The following DGKI variants were observed in gnomAD, a reference collection of about 807,000 sequenced individuals.
DGKI encodes the protein diacylglycerol kinase iota.
DGKI carries 55 observed loss-of-function variants against 147.5 expected under a neutral mutation model. The ratio of observed to expected loss-of-function variants is 0.37; its 90% CI spans 0.30 to 0.47. DGKI has a LOEUF of 0.47. DGKI is among the 20% of genes least tolerant of loss of function. DGKI has a pLI of 1.00. For missense variants in DGKI, 1,007 were observed against 1,323.8 expected, an observed-to-expected ratio of 0.76 and a Z score of 3.71; for synonymous variants, 469 against 477.1, an observed-to-expected ratio of 0.98 and a Z score of 0.22.
At chr7:137,497,145 A>G (rs1199686252) in intron 21 of DGKI, among the ~76,000 whole-genome samples, 1 of 152,122 alleles carries the variant, frequency 6.6e-6, no homozygotes, top group Non-Finnish European at 1.5e-5. Flanking sequence ...ATGAACAGAC[A>G]TATTTCAAAA....
chr7:137,618,151 A>ATATATATATATATT lies in DGKI; in HGVS notation c.993+1672_993+1673insAATATATATATATA. Among the ~76,000 whole-genome samples, 15 of 10,456 alleles carry ATATATATATATATT rather than the reference A, an allele frequency of 1.4e-3. 1 individual carries two copies. Among genetic ancestry groups the ATATATATATATATT allele is most frequent in the Non-Finnish European group, 2.4e-3 (4 of 1,648 alleles). The allele number at this position is 10,456 out of a possible 152,430, so 6.9% of individuals were successfully genotyped here. ...ACTATATATATATATATATATATAT[A>ATATATATATATATT]TTTTTTTTTTTTTACTCTATCATTC... On this transcript the variant is annotated intron_variant, in intron 8 of 32. Coordinates refer to ENST00000614521, the MANE Select transcript of DGKI (RefSeq NM_001321708.2).
At chr7:137,656,420 A>G in intron 4 of DGKI, 46 bp downstream of exon 4, 1 of 1,603,778 alleles carries the variant, frequency 6.2e-7, no homozygotes, top group African/African-American at 1.3e-5. Context: ...TCTGAAGACC[A>G]AATACTTGCA....
chr7:137,828,463 C>A (rs1369107710), intron 1 of DGKI, among the ~76,000 whole-genome samples: 3 of 152,068 alleles, frequency 2.0e-5, no homozygotes, highest in African/African-American at 7.2e-5. Flanking sequence ...GCTTTCAATA[C>A]CAAGACTTGA....
intron 21 of DGKI, among the ~76,000 whole-genome samples, chr7:137,507,288 T>C (rs1057438943): frequency 2.6e-5 from 4 of 152,224 alleles, no homozygotes; most frequent in African/African-American, 9.6e-5. Flanking sequence ...GTCCTGTCTA[T>C]AGTCCATTAA....
intron 2 of DGKI, among the ~76,000 whole-genome samples, chr7:137,680,635 C>A (rs1168220778): frequency 6.6e-6 from 1 of 152,048 alleles, no homozygotes; most frequent in Non-Finnish European, 1.5e-5. Flanking sequence ...CAAAAATTTG[C>A]CAGGCATGGT....
intron 25 of DGKI, 118 bp downstream of exon 25, chr7:137,466,784 C>T: frequency 1.0e-6 from 1 of 986,340 alleles, no homozygotes. Context: ...TTATGAACAC[C>T]ATTCCAAAAT....
In DGKI at chr7:137,388,055, C is replaced by G. The variant is rs566328643; in HGVS notation, c.*3165G>C. On this transcript the variant is annotated 3_prime_UTR_variant, in exon 33 of 33. Coordinates refer to ENST00000614521, the MANE Select transcript of DGKI (RefSeq NM_001321708.2). Reference sequence around the variant, plus strand: ...TCCATCAGTCATTACTAATTTCCATCACTGTGCATTTGCCAGCTAAATTAT... The same window carrying G: ...TCCATCAGTCATTACTAATTTCCATGACTGTGCATTTGCCAGCTAAATTAT... The G allele has an allele frequency of 3.9e-5, 6 of 152,276 alleles. No individual in the cohort carries two copies. In the South Asian group the frequency reaches 1.2e-3, roughly 32 times the overall value. 9.4% of individuals were successfully genotyped at this position (152,276 alleles called of 1,614,324 possible).
At chr7:137,656,991 T>C (rs1341770091) in intron 3 of DGKI, among the ~76,000 whole-genome samples, 1 of 152,236 alleles carries the variant, frequency 6.6e-6, no homozygotes, top group Non-Finnish European at 1.5e-5. Flanking sequence ...ATTCTTTCCC[T>C]ATTGCCAAAG....
intron 1 of DGKI, among the ~76,000 whole-genome samples, chr7:137,728,145 G>T (rs1241383492): frequency 6.6e-6 from 1 of 152,134 alleles, no homozygotes; most frequent in East Asian, 1.9e-4. Context: ...TTTTAATTTG[G>T]TGTTTCTTTT....
At chr7:137,653,138 G>A (rs59189421) in intron 5 of DGKI, among the ~76,000 whole-genome samples, 9,719 of 152,342 alleles carry the variant, frequency 0.064, 820 homozygotes, top group African/African-American at 0.19. Flanking sequence ...TTGTGTGTGT[G>A]TGTGTGCGCG....
chr7:137,828,029 C>G (rs1160548682), intron 1 of DGKI, among the ~76,000 whole-genome samples: 1 of 152,214 alleles, frequency 6.6e-6, no homozygotes, highest in Admixed American at 6.5e-5. Context: ...TGCCCTCTCT[C>G]AGGGCTCCCC....
intron 4 of DGKI, 96 bp downstream of exon 4, chr7:137,656,370 T>C (rs1822220758): frequency 3.8e-6 from 5 of 1,304,514 alleles, no homozygotes; most frequent in Middle Eastern, 3.8e-4. Context: ...TTTAAGGGCA[T>C]TGTTTTCAAA....
At chr7:137,774,116 A>C (rs1796291761) in intron 1 of DGKI, among the ~76,000 whole-genome samples, 1 of 152,138 alleles carries the variant, frequency 6.6e-6, no homozygotes, top group Non-Finnish European at 1.5e-5. Context: ...CCCTTATACT[A>C]TTTCCTGGGT....
Position 137,571,165 on chromosome 7 carries a change from T to C in DGKI, c.1947+10A>G, listed in dbSNP as rs1448074723. ...ACATTTCATTTTAATAAAACAGTTATATTGCTCACCAAAGAGGCCATGGTA... is the reference window on the plus strand; with the variant it reads ...ACATTTCATTTTAATAAAACAGTTACATTGCTCACCAAAGAGGCCATGGTA... On this transcript the variant is annotated intron_variant, in intron 19 of 32. Transcript: ENST00000614521. The C allele has an allele frequency of 6.3e-7, 1 of 1,575,450 alleles. No individual in the cohort carries two copies. The highest frequency in any genetic ancestry group is 8.6e-7 in the Non-Finnish European group (1 of 1,158,668).
At chr7:137,394,426 T>C (rs17529963) in intron 32 of DGKI, among the ~76,000 whole-genome samples, 42,982 of 151,902 alleles carry the variant, frequency 0.28, 7,048 homozygotes, top group Admixed American at 0.36. Context: ...GTGTTGATCT[T>C]CTATGTAAAC....
intron 1 of DGKI, among the ~76,000 whole-genome samples, chr7:137,775,273 C>A (rs1175508537): frequency 6.6e-6 from 1 of 152,026 alleles, no homozygotes; most frequent in African/African-American, 2.4e-5. Flanking sequence ...CTGGGAGGAC[C>A]GTAATGAAAC....
intron 1 of DGKI, among the ~76,000 whole-genome samples, chr7:137,705,060 G>A (rs546092324): frequency 1.3e-5 from 2 of 152,220 alleles, no homozygotes; most frequent in South Asian, 4.1e-4. Context: ...AATCCAAAAT[G>A]AAATGTGATT....
At chr7:137,521,357 G>C (rs948637314) in intron 21 of DGKI, among the ~76,000 whole-genome samples, 1 of 151,976 alleles carries the variant, frequency 6.6e-6, no homozygotes. Context: ...AAAAATAATG[G>C]CACCTCATCA....
At chr7:137,578,415 C>T in intron 15 of DGKI, 90 bp from the exon 16 acceptor site, 1 of 891,942 alleles carries the variant, frequency 1.1e-6, no homozygotes, top group Non-Finnish European at 1.9e-6. Context: ...CAGCTCCCTC[C>T]TATCCTACAG....
Sources: gnomAD v4.1 joint callset for allele counts (sites outside exome capture counted in the v4.1 genomes callset) on GRCh38, gnomAD v4.1.1 for gene constraint, MANE v1.5 for transcripts, NCBI Gene and HGNC (gene_info 2026-07-23, HGNC 2026-07-21) for gene names.